The following MYO16 variants were observed in gnomAD, a reference collection of about 807,000 sequenced individuals.
The protein encoded by MYO16 is myosin XVI, also known as unconventional myosin-XVI.
A neutral mutation model predicts 205.3 loss-of-function variants in MYO16; 94 were observed. That is an observed-to-expected ratio of 0.46 (90% CI 0.39 to 0.54). The LOEUF (loss-of-function observed/expected upper bound fraction) is 0.54. Ranked by LOEUF, MYO16 falls within the 20% of genes least tolerant of loss-of-function variation. MYO16 has a pLI of 0.00. For synonymous variants in MYO16, 988 were observed against 954.0 expected (o/e 1.04, Z -0.66); for missense variants, 2,315 against 2,387.5 (o/e 0.97, Z 0.63).
the MYO16 span, among the ~76,000 whole-genome samples, chr13:108,586,611 A>C: frequency 1.3e-5 from 2 of 152,212 alleles, no homozygotes; most frequent in Non-Finnish European, 2.9e-5. Context: ...TTGTCCATTC[A>C]AGGTAATCCT....
Position 109,009,047 on chromosome 13 carries a change from C to T in MYO16, c.2593C>T (p.Gln865Ter). 1 of 1,584,728 alleles carries T rather than the reference C, an allele frequency of 6.3e-7. No homozygotes were observed. Residue 865 changes from glutamine to a stop codon, truncating the protein, a stop_gained and splice_region_variant, in exon 22 of 35, where the codon CAG becomes TAG. Coordinates refer to ENST00000457511, the MANE Select transcript of MYO16 (RefSeq NM_001198950.3). LOFTEE classifies it high-confidence loss of function. ...GAATGGAGTTTTGGACTTTTTTTTC[C>T]AGGTATTCATATAATATAATTAGAT... Reference protein sequence around the residue: ...NQNGVLDFFFQKPSGFLTLLD... With the variant: ...NQNGVLDFFF
At chr13:108,918,954 CAAAA>C (rs10585137) in intron 16 of MYO16, among the ~76,000 whole-genome samples, 140 of 139,902 alleles carry the variant, frequency 1.0e-3, no homozygotes, top group African/African-American at 3.4e-3. Flanking sequence ...GAAAACAGAA[CAAAA>C]AAAAAAAAAA....
intron 4 of MYO16, among the ~76,000 whole-genome samples, chr13:108,756,770 C>T (rs570125977): frequency 6.6e-6 from 1 of 152,242 alleles, no homozygotes; most frequent in Non-Finnish European, 1.5e-5. Context: ...CTAATCTCCC[C>T]AGAATTACTC....
intron 21 of MYO16, among the ~76,000 whole-genome samples, chr13:108,995,346 G>T (rs1884967329): frequency 6.6e-6 from 1 of 152,084 alleles, no homozygotes; most frequent in African/African-American, 2.4e-5. Flanking sequence ...CCTCCCAAAG[G>T]CCCCACCTTC....
At chr13:108,914,591 AT>A (rs1566408702) in intron 16 of MYO16, among the ~76,000 whole-genome samples, 1 of 152,234 alleles carries the variant, frequency 6.6e-6, no homozygotes, top group African/African-American at 2.4e-5. Context: ...CTAAAGGCAT[AT>A]TCAATACTTA....
In MYO16 at chr13:109,010,957, TTA is replaced by T. The variant is rs67321937; in HGVS notation, c.2595+1926_2595+1927del. Among the ~76,000 whole-genome samples, 132 of 118,504 alleles carry T rather than the reference TTA, an allele frequency of 1.1e-3. 12 individuals are homozygous for T. Among genetic ancestry groups the T allele is most frequent in the Non-Finnish European group, 1.7e-3 (93 of 54,646 alleles). 77.7% of individuals were successfully genotyped at this position (118,504 alleles called of 152,430 possible). On this transcript the variant is annotated intron_variant, in intron 22 of 34. Transcript: ENST00000457511. ...TCTATTATATATATTACATATAATA[TTA>T]TATATATATATATATATTTCTTCAC...
chr13:109,023,599 ATG>A (rs1198133889), intron 23 of MYO16, among the ~76,000 whole-genome samples: 1 of 126,352 alleles, frequency 7.9e-6, no homozygotes, highest in Admixed American at 9.1e-5. Flanking sequence ...ACAAATATAA[ATG>A]TACATATTTA....
intron 28 of MYO16, among the ~76,000 whole-genome samples, chr13:109,111,418 C>G (rs900826489): frequency 6.6e-6 from 1 of 152,092 alleles, no homozygotes; most frequent in Non-Finnish European, 1.5e-5. Context: ...TTGCTGGGCA[C>G]TTTAAAAAAT....
At chr13:108,971,594 A>C (rs1033247458) in intron 20 of MYO16, among the ~76,000 whole-genome samples, 1 of 151,488 alleles carries the variant, frequency 6.6e-6, no homozygotes, top group African/African-American at 2.4e-5. Context: ...TATGTATATT[A>C]ATACATTAAA....
intron 12 of MYO16, among the ~76,000 whole-genome samples, chr13:108,876,698 A>G (rs1320119312): frequency 2.8e-5 from 4 of 141,020 alleles, no homozygotes; most frequent in African/African-American, 1.1e-4. Context: ...ATGAGATCTT[A>G]GTCTATTGCC....
chr13:108,611,054 A>G (rs1460875188), intron 1 of MYO16, among the ~76,000 whole-genome samples: 2 of 152,222 alleles, frequency 1.3e-5, no homozygotes, highest in Admixed American at 1.3e-4. Flanking sequence ...AAAGATATCC[A>G]TTAGGTATCA....
intron 1 of MYO16, among the ~76,000 whole-genome samples, chr13:108,598,843 T>G (rs1222679521): frequency 7.3e-6 from 1 of 137,060 alleles, no homozygotes; most frequent in Non-Finnish European, 1.6e-5. Flanking sequence ...TTCTTTTTCT[T>G]TTTTTCTTTT....
the MYO16 span, among the ~76,000 whole-genome samples, chr13:108,587,005 A>G: frequency 6.6e-6 from 1 of 152,186 alleles, no homozygotes. Flanking sequence ...CAGAAAGCCA[A>G]TCACTGAGAC....
At chr13:109,098,461 G>C (rs1024953414) in intron 27 of MYO16, among the ~76,000 whole-genome samples, 2 of 152,154 alleles carry the variant, frequency 1.3e-5, no homozygotes, top group Non-Finnish European at 2.9e-5. Flanking sequence ...TGGTTGGCAA[G>C]GGGTCAGGTG....
At chr13:108,958,600 A>G (rs550254551) in intron 17 of MYO16, among the ~76,000 whole-genome samples, 4 of 152,304 alleles carry the variant, frequency 2.6e-5, no homozygotes, top group South Asian at 2.1e-4. Flanking sequence ...TGGCTCCTGG[A>G]TGCTTGAAGT....
intron 4 of MYO16, among the ~76,000 whole-genome samples, chr13:108,773,410 C>T (rs2391692): frequency 0.34 from 50,970 of 152,048 alleles, 9,799 homozygotes; most frequent in East Asian, 0.64. Flanking sequence ...GATGTCAGCA[C>T]TGTGATTCCT....
intron 22 of MYO16, among the ~76,000 whole-genome samples, chr13:109,012,491 C>T (rs969095449): frequency 6.6e-6 from 1 of 152,130 alleles, no homozygotes; most frequent in Non-Finnish European, 1.5e-5. Flanking sequence ...GTGACTGTAT[C>T]ATTGTTTCAT....
chr13:108,579,753 TTTTTGTTTTTTG>T, the MYO16 span, among the ~76,000 whole-genome samples: 7 of 152,282 alleles, frequency 4.6e-5, no homozygotes, highest in Middle Eastern at 3.4e-3. Flanking sequence ...AAGCTTTCTT[TTTTTGTTTTTTG>T]TTTTGTTTTG....
chr13:108,557,789 A>G, the MYO16 span, among the ~76,000 whole-genome samples: 3 of 152,192 alleles, frequency 2.0e-5, no homozygotes, highest in Admixed American at 6.5e-5. Flanking sequence ...TCATTTTAGC[A>G]CTAGATCTTT....
Sources: gnomAD v4.1 joint callset for allele counts (sites outside exome capture counted in the v4.1 genomes callset) on GRCh38, gnomAD v4.1.1 for gene constraint, MANE v1.5 for transcripts, NCBI Gene and HGNC (gene_info 2026-07-23, HGNC 2026-07-21) for gene names.